The following ERBIN variants were observed in gnomAD, a reference collection of about 807,000 sequenced individuals.
ERBIN encodes erbb2 interacting protein.
Under a neutral mutation model 158.4 loss-of-function variants are expected in ERBIN, and 60 were observed. The ratio of observed to expected loss-of-function variants is 0.38; its 90% CI spans 0.31 to 0.47. The LOEUF (loss-of-function observed/expected upper bound fraction) is 0.47. ERBIN is among the 20% of genes least tolerant of loss of function. ERBIN has a pLI of 0.99. For synonymous variants in ERBIN, 594 were observed against 557.2 expected (o/e 1.07, Z -0.93); for missense variants, 1,610 against 1,648.0 (o/e 0.98, Z 0.40).
chr5:66,044,435 G>T (rs868382563), intron 17 of ERBIN, 125 bp downstream of exon 17: 7 of 868,638 alleles, frequency 8.1e-6, no homozygotes, highest in South Asian at 1.9e-5. Context: ...TGATATTTCG[G>T]TCGACATGCT....
At chr5:66,026,988 C>A (rs1464594897) in intron 13 of ERBIN, among the ~76,000 whole-genome samples, 1 of 151,952 alleles carries the variant, frequency 6.6e-6, no homozygotes, top group African/African-American at 2.4e-5. Context: ...GTAAATTGAT[C>A]ACTAGGGTTG....
intron 15 of ERBIN, among the ~76,000 whole-genome samples, chr5:66,040,932 G>A (rs1757865203): frequency 6.6e-6 from 1 of 151,714 alleles, no homozygotes; most frequent in Non-Finnish European, 1.5e-5. Flanking sequence ...CTTGGGCCTA[G>A]GTAGAGGAAT....
At chr5:66,004,875 C>T (rs2151084771) in intron 4 of ERBIN, among the ~76,000 whole-genome samples, 1 of 152,134 alleles carries the variant, frequency 6.6e-6, no homozygotes, top group African/African-American at 2.4e-5. Context: ...GAGGACTGTT[C>T]CCGGGGTAAC....
intron 1 of ERBIN, among the ~76,000 whole-genome samples, chr5:65,970,192 A>G (rs1181787767): frequency 1.3e-5 from 2 of 152,096 alleles, no homozygotes; most frequent in East Asian, 3.9e-4. Context: ...GTATAGGGAC[A>G]TTCCCCTCAT....
intron 1 of ERBIN, among the ~76,000 whole-genome samples, chr5:65,936,386 G>T (rs2150857329): frequency 6.6e-6 from 1 of 152,276 alleles, no homozygotes; most frequent in South Asian, 2.1e-4. Flanking sequence ...AGCATCAAAT[G>T]GATCCTTTGG....
chr5:65,936,722 T>G (rs1474836769), intron 1 of ERBIN, among the ~76,000 whole-genome samples: 3 of 152,212 alleles, frequency 2.0e-5, no homozygotes, highest in Non-Finnish European at 1.5e-5. Context: ...ATTACCTTAA[T>G]CTGTTTTTTC....
chr5:66,039,069 C>G (rs1385548922), intron 15 of ERBIN, among the ~76,000 whole-genome samples: 1 of 151,366 alleles, frequency 6.6e-6, no homozygotes, highest in Admixed American at 6.6e-5. Context: ...CTTAAAGTAA[C>G]TATTTTTTAT....
intron 21 of ERBIN, among the ~76,000 whole-genome samples, chr5:66,064,196 T>C (rs1760755989): frequency 6.6e-6 from 1 of 152,214 alleles, no homozygotes; most frequent in Admixed American, 6.5e-5. Flanking sequence ...ACAATTTTGA[T>C]AAATAGGATT....
At chr5:65,957,861 G>C (rs1370640578) in intron 1 of ERBIN, among the ~76,000 whole-genome samples, 3 of 151,484 alleles carry the variant, frequency 2.0e-5, no homozygotes, top group Non-Finnish European at 4.4e-5. Context: ...CTTCTCAGAC[G>C]GGGCGGCTGC....
chr5:66,018,527 T>TTATATAATATATATTA lies in ERBIN; in HGVS notation c.534-2790_534-2789insAATATATATTATATAT, dbSNP rs1554058825. On this transcript the variant is annotated intron_variant, in intron 7 of 25. Coordinates refer to ENST00000284037, the MANE Select transcript of ERBIN (RefSeq NM_001253697.2). ...TATATTATATATTATATAATATATATTATATTATATAATATATATTATATA... is the reference window on the plus strand; with the variant it reads ...TATATTATATATTATATAATATATATTATATAATATATATTATATATTATATAATATATATTATATA... Among the ~76,000 whole-genome samples the TTATATAATATATATTA allele has an allele frequency of 2.0e-3, 9 of 4,574 alleles. 1 individual carries two copies. Among genetic ancestry groups the TTATATAATATATATTA allele is most frequent in the African/African-American group, 3.3e-3 (4 of 1,214 alleles). The allele number at this position is 4,574 out of a possible 152,430, so 3.0% of individuals were successfully genotyped here.
intron 4 of ERBIN, among the ~76,000 whole-genome samples, chr5:65,995,874 A>G (rs1207621840): frequency 1.3e-5 from 2 of 151,992 alleles, no homozygotes; most frequent in Non-Finnish European, 1.5e-5. Context: ...GATGTTGAAC[A>G]TTTTTCATAT....
chr5:65,999,317 G>A (rs919566366), intron 4 of ERBIN, among the ~76,000 whole-genome samples: 4 of 152,204 alleles, frequency 2.6e-5, no homozygotes, highest in African/African-American at 9.6e-5. Flanking sequence ...AGTGAGCCGA[G>A]ATTGTGCCAT....
chr5:66,074,443 TAC>T (rs1229856108), intron 22 of ERBIN, among the ~76,000 whole-genome samples: 1 of 152,174 alleles, frequency 6.6e-6, no homozygotes, highest in East Asian at 1.9e-4. Flanking sequence ...GTTGCTAACA[TAC>T]ACACAAGGAA....
chr5:66,055,362 C>A (rs186056986), intron 21 of ERBIN, among the ~76,000 whole-genome samples: 1 of 152,194 alleles, frequency 6.6e-6, no homozygotes, highest in South Asian at 2.1e-4. Context: ...AATATTTCAT[C>A]TAATATTTTT....
intron 1 of ERBIN, among the ~76,000 whole-genome samples, chr5:65,967,810 G>A (rs530149467): frequency 3.0e-4 from 46 of 152,104 alleles, no homozygotes; most frequent in Non-Finnish European, 6.5e-4. Flanking sequence ...CATGGGTCTG[G>A]GGCTCATCTT....
chr5:66,006,527 G>C lies in ERBIN; in HGVS notation c.308-5522G>C, dbSNP rs548805860. Among the ~76,000 whole-genome samples the C allele has an allele frequency of 6.6e-5, 10 of 152,212 alleles. No individual in the cohort carries two copies. In the East Asian group the frequency reaches 1.9e-3, roughly 29 times the overall value. Reference sequence around the variant, plus strand: ...AACACCAAAAGCAATGACAACAAAAGCCAAAATTGACAAATGGGATCTAAT... The same window carrying C: ...AACACCAAAAGCAATGACAACAAAACCCAAAATTGACAAATGGGATCTAAT... On this transcript the variant is annotated intron_variant, in intron 4 of 25. Transcript: ENST00000284037.
chr5:66,021,933 T>C (rs1755736263), intron 8 of ERBIN, among the ~76,000 whole-genome samples: 1 of 152,190 alleles, frequency 6.6e-6, no homozygotes, highest in East Asian at 1.9e-4. Context: ...CTTTTGTCTT[T>C]AGTGAGTTTT....
chr5:66,053,295 CT>C, intron 20 of ERBIN, 110 bp from the exon 21 acceptor site: 1 of 575,836 alleles, frequency 1.7e-6, no homozygotes, highest in Non-Finnish European at 2.8e-6. Flanking sequence ...TTGTCTTTGA[CT>C]TTTATTAACT....
chr5:66,019,705 T>C (rs1348530809), intron 7 of ERBIN, among the ~76,000 whole-genome samples: 2 of 152,198 alleles, frequency 1.3e-5, no homozygotes, highest in Non-Finnish European at 2.9e-5. Context: ...TTTTAAAATA[T>C]AAATTTTCCA....
Sources: gnomAD v4.1 joint callset for allele counts (sites outside exome capture counted in the v4.1 genomes callset) on GRCh38, gnomAD v4.1.1 for gene constraint, MANE v1.5 for transcripts, NCBI Gene and HGNC (gene_info 2026-07-23, HGNC 2026-07-21) for gene names.